RBFOX1: variants seen among roughly 807,000 people sequenced by gnomAD.
The protein encoded by RBFOX1 is RNA binding protein fox-1 homolog 1.
A neutral mutation model predicts 57.7 loss-of-function variants in RBFOX1; 8 were observed. The observed-to-expected ratio is 0.14, with a 90% CI of 0.08 to 0.25. The LOEUF is 0.25. Ranked by LOEUF, RBFOX1 falls within the 10% of genes least tolerant of loss-of-function variation. The pLI, the probability that RBFOX1 is intolerant of heterozygous loss-of-function variation, is 1.00. For synonymous variants in RBFOX1, 326 were observed against 222.4 expected, an observed-to-expected ratio of 1.47 and a Z score of -4.15; for missense variants, 611 against 548.5, an observed-to-expected ratio of 1.11 and a Z score of -1.14.
At position 6,640,834 on chromosome 16, in the gene RBFOX1, A is replaced by G. The variant is rs558773705; in HGVS notation, c.-63-13769A>G. On this transcript the variant is annotated intron_variant, in intron 2 of 15. Transcript: ENST00000550418. ...TGGGCCTCTCTGACTAGTCCCTGTC[A>G]TGTTCTAGCCCCATCTTAGGATTAA... is the stretch of plus-strand genomic sequence containing the variant. Among the ~76,000 whole-genome samples the G allele has an allele frequency of 1.1e-4, 17 of 152,196 alleles. No homozygotes were observed. The South Asian group carries it at 1.9e-3, about 17-fold the overall frequency.
At chr16:7,326,098 C>T (rs777910925) in intron 4 of RBFOX1, among the ~76,000 whole-genome samples, 15 of 152,312 alleles carry the variant, frequency 9.8e-5, no homozygotes, top group Non-Finnish European at 2.1e-4. Flanking sequence ...GGACTCCCTG[C>T]GCCTCTGTCT....
chr16:6,921,606 T>C (rs2074452389), intron 3 of RBFOX1, among the ~76,000 whole-genome samples: 1 of 149,808 alleles, frequency 6.7e-6, no homozygotes, highest in African/African-American at 2.5e-5. Flanking sequence ...GAATAATTTA[T>C]GTATATACAT....
intron 2 of RBFOX1, among the ~76,000 whole-genome samples, chr16:6,458,106 A>G (rs1302870015): frequency 6.6e-6 from 1 of 152,210 alleles, no homozygotes; most frequent in Non-Finnish European, 1.5e-5. Context: ...GGAAGTTTGA[A>G]GAAGGGAACA....
intron 3 of RBFOX1, among the ~76,000 whole-genome samples, chr16:6,747,421 A>AATCT (rs1240314979): frequency 6.7e-6 from 1 of 149,190 alleles, no homozygotes; most frequent in Admixed American, 6.7e-5. Context: ...AGAAAAAAAA[A>AATCT]ATCTATCAGT....
At chr16:5,245,933 T>C (rs749389538) in intron 1 of RBFOX1, among the ~76,000 whole-genome samples, 2 of 152,208 alleles carry the variant, frequency 1.3e-5, no homozygotes, top group Non-Finnish European at 2.9e-5. Context: ...TTTAATGTTT[T>C]AGTTGAATTA....
intron 4 of RBFOX1, among the ~76,000 whole-genome samples, chr16:7,507,520 G>T (rs2073714836): frequency 6.6e-6 from 1 of 151,078 alleles, no homozygotes; most frequent in South Asian, 2.1e-4. Context: ...GAGGCAGTAG[G>T]TCTGGTGTGA....
chr16:6,508,392 T>C lies in RBFOX1; in HGVS notation c.-63-146211T>C, dbSNP rs183729862. ...AAACAAAAATATAATGTAAGTAGAC[T>C]TAACACTCCTGAACTGTACACTTAA... On this transcript the variant is annotated intron_variant, in intron 2 of 15. Transcript: ENST00000550418. 2.6e-4 allele frequency among the ~76,000 whole-genome samples: 39 copies of C among 152,256 alleles called. 1 individual carries two copies. Among genetic ancestry groups the C allele is most frequent in the Admixed American group, 1.0e-3 (16 of 15,284 alleles).
intron 2 of RBFOX1, among the ~76,000 whole-genome samples, chr16:6,350,405 C>T (rs1020303677): frequency 5.6e-5 from 7 of 125,454 alleles, no homozygotes; most frequent in African/African-American, 1.2e-4. Context: ...CGCACCATTG[C>T]GCTCCAGCCT....
chr16:6,273,078 G>A (rs2075381882), intron 1 of RBFOX1, among the ~76,000 whole-genome samples: 1 of 152,024 alleles, frequency 6.6e-6, no homozygotes, highest in African/African-American at 2.4e-5. Flanking sequence ...TGGCCAACAT[G>A]GTGAAACCCC....
chr16:7,208,299 T>G (rs2090412672), intron 4 of RBFOX1, among the ~76,000 whole-genome samples: 1 of 152,210 alleles, frequency 6.6e-6, no homozygotes, highest in African/African-American at 2.4e-5. Context: ...GGAGACAGTT[T>G]GTCTTAGTTC....
chr16:6,359,978 T>C (rs1322305726), intron 2 of RBFOX1, among the ~76,000 whole-genome samples: 1 of 152,226 alleles, frequency 6.6e-6, no homozygotes, highest in Non-Finnish European at 1.5e-5. Context: ...ATTCTTTTAA[T>C]TGTTAATTAG....
At chr16:7,376,553 T>A (rs1287645040) in intron 4 of RBFOX1, among the ~76,000 whole-genome samples, 1 of 152,146 alleles carries the variant, frequency 6.6e-6, no homozygotes, top group East Asian at 1.9e-4. Flanking sequence ...TTTTCCAACC[T>A]CCGAGTTTTC....
At chr16:7,052,483 G>C (rs148658491) in intron 4 of RBFOX1, among the ~76,000 whole-genome samples, 51 of 152,234 alleles carry the variant, frequency 3.4e-4, no homozygotes, top group African/African-American at 1.1e-3. Flanking sequence ...ATGCTCTTTG[G>C]CTGTTGACTG....
chr16:7,262,503 T>C (rs777171714), intron 4 of RBFOX1, among the ~76,000 whole-genome samples: 10 of 152,280 alleles, frequency 6.6e-5, no homozygotes, highest in East Asian at 1.9e-4. Context: ...ATCAGAGTTA[T>C]TCCTACTGCA....
At chr16:6,586,976 GTTAAA>G (rs1449619508) in intron 2 of RBFOX1, among the ~76,000 whole-genome samples, 2 of 152,078 alleles carry the variant, frequency 1.3e-5, no homozygotes, top group African/African-American at 4.8e-5. Flanking sequence ...GTTTAAATGA[GTTAAA>G]TTAATACATG....
chr16:6,105,735 T>A (rs979511799), intron 1 of RBFOX1, among the ~76,000 whole-genome samples: 1 of 152,044 alleles, frequency 6.6e-6, no homozygotes, highest in Non-Finnish European at 1.5e-5. Context: ...GTGTCTAGAA[T>A]AGTTAATAAC....
In RBFOX1 at chr16:6,220,186, G is replaced by T. The variant is rs546286567; in HGVS notation, c.-126-96809G>T. On this transcript the variant is annotated intron_variant, in intron 1 of 15. Transcript: ENST00000550418. ...TGTGTATATATATACATCTCTGTGT[G>T]TCTGTGGGTGTGTGTATATGTATAT... is the stretch of plus-strand genomic sequence containing the variant. Among the ~76,000 whole-genome samples the T allele has an allele frequency of 5.9e-5, 9 of 152,056 alleles. No homozygotes were observed. In the South Asian group the frequency reaches 1.9e-3, roughly 32 times the overall value.
At chr16:6,768,728 G>T (rs1379381323) in intron 3 of RBFOX1, among the ~76,000 whole-genome samples, 1 of 148,866 alleles carries the variant, frequency 6.7e-6, no homozygotes, top group East Asian at 2.0e-4. Flanking sequence ...ATATTATGAT[G>T]ATATTATTTT....
chr16:5,973,776 A>G (rs147538454), intron 4 of RBFOX1, among the ~76,000 whole-genome samples: 1 of 152,152 alleles, frequency 6.6e-6, no homozygotes, highest in Non-Finnish European at 1.5e-5. Context: ...TTGTTCATTC[A>G]TTCATTTGGA....
Sources: gnomAD v4.1 joint callset for allele counts (sites outside exome capture counted in the v4.1 genomes callset) on GRCh38, gnomAD v4.1.1 for gene constraint, MANE v1.5 for transcripts, NCBI Gene and HGNC (gene_info 2026-07-23, HGNC 2026-07-21) for gene names.